PANK4: variants seen among roughly 807,000 people sequenced by gnomAD.
PANK4 encodes the protein pantothenate kinase 4 (inactive), also known as 4'-phosphopantetheine phosphatase.
PANK4 carries 40 observed loss-of-function variants against 87.9 expected under a neutral mutation model. The ratio of observed to expected loss-of-function variants is 0.46; its 90% CI spans 0.35 to 0.59. The LOEUF (loss-of-function observed/expected upper bound fraction) is 0.59, where lower values mean the gene tolerates loss of function less well. Ranked by LOEUF, PANK4 falls within the 20% of genes least tolerant of loss-of-function variation. The pLI, the probability that PANK4 is intolerant of heterozygous loss-of-function variation, is 0.00. For missense variants in PANK4, 926 were observed against 1,072.3 expected (o/e 0.86, Z 1.90); for synonymous variants, 524 against 467.4 (o/e 1.12, Z -1.56).
rs534977648 is a variant in PANK4, at chr1:2,510,325, G to C, written c.1939-168C>G. ...GGACCTCGCCTGACCTTGCCACTCT[G>C]TGGCCCCTGGGAGGGAGCTGAGCCG... On this transcript the variant is annotated intron_variant, in intron 16 of 18. Coordinates refer to ENST00000378466, the MANE Select transcript of PANK4 (RefSeq NM_018216.4). This position sits in a 1 kb window ranked among gnomAD's most constrained non-coding sequence, Gnocchi z 4.9. 1 of 632,042 alleles carries C rather than the reference G, an allele frequency of 1.6e-6. No homozygotes were observed. Among genetic ancestry groups the C allele is most frequent in the East Asian group, 2.7e-5 (1 of 36,552 alleles). The allele number at this position is 632,042 out of a possible 1,614,324, so 39.2% of individuals were successfully genotyped here. A position where few individuals can be genotyped will look rare whatever the true frequency, so the allele number is the denominator to read the frequency against.
chr1:2,512,973 G>C lies in PANK4; in HGVS notation c.1642C>G (p.Leu548Val). Residue 548 changes from leucine (L) to valine (V), a missense_variant, in exon 13 of 19, where the codon CTG becomes GTG. By Grantham distance (32) the Leu-to-Val change is conservative. Transcript: ENST00000378466. ...FPGVVRSLDALGWEERQLALV... is the reference protein window; with the variant it reads ...FPGVVRSLDAVGWEERQLALV... ...GCCAGCTGCCGTTCCTCCCAGCCCA[G>C]CGCGTCCAGGGAGCGCACGACCCCG... 6.2e-7 allele frequency: 1 copy of C among 1,612,380 alleles called. No individual in the cohort carries two copies. Among genetic ancestry groups the C allele is most frequent in the Non-Finnish European group, 8.5e-7 (1 of 1,179,576 alleles).
intron 1 of PANK4, among the ~76,000 whole-genome samples, chr1:2,522,947 G>A (rs1167789835): frequency 6.6e-6 from 1 of 152,180 alleles, no homozygotes; most frequent in Admixed American, 6.5e-5. Flanking sequence ...AGAGGGGACC[G>A]TGTGGTGTTA....
In PANK4 at chr1:2,509,624, C is replaced by T. The variant is rs1643626067; in HGVS notation, c.2108+238G>A. Among the ~76,000 whole-genome samples the T allele has an allele frequency of 6.6e-6, 1 of 152,142 alleles. No individual in the cohort carries two copies. The highest frequency in any genetic ancestry group is 1.5e-5 in the Non-Finnish European group (1 of 68,026). ...ACAGGGACATTGGCCCCTCTTGCCC[C>T]AAGTCCCCAAACCCAGCCCATGTGT... is the stretch of plus-strand genomic sequence containing the variant. On this transcript the variant is annotated intron_variant, in intron 18 of 18. Coordinates refer to ENST00000378466, the MANE Select transcript of PANK4 (RefSeq NM_018216.4). The surrounding 1 kb of genome is among the most constrained non-coding windows in gnomAD (Gnocchi z 4.9).
At position 2,514,093 on chromosome 1, in the gene PANK4, G is replaced by A; in HGVS notation, c.1488-4C>T. On this transcript the variant is annotated splice_polypyrimidine_tract_variant and splice_region_variant and intron_variant, in intron 11 of 18. Coordinates refer to ENST00000378466, the MANE Select transcript of PANK4 (RefSeq NM_018216.4). The stretch of plus-strand genomic sequence containing the variant: ...CACGGTCAGGGTCCCATAGGCGCTG[G>A]GGACAGACACGGCAGAGGGCGCTGA... The A allele has an allele frequency of 6.2e-7, 1 of 1,610,552 alleles. No homozygotes were observed. The highest frequency in any genetic ancestry group is 1.1e-5 in the South Asian group (1 of 91,040).
Position 2,519,678 on chromosome 1 carries a change from A to G in PANK4, c.853+123T>C. On this transcript the variant is annotated intron_variant, in intron 6 of 18. Coordinates refer to ENST00000378466, the MANE Select transcript of PANK4 (RefSeq NM_018216.4). The surrounding 1 kb of genome is among the most constrained non-coding windows in gnomAD (Gnocchi z 8.3). ...GGCAGGAAGAGGTTACAGGGCTGAC[A>G]CCCAAGACCCCGACTCTCCAGGGAG... 1.9e-6 allele frequency: 2 copies of G among 1,034,034 alleles called. No individual in the cohort carries two copies. The highest frequency in any genetic ancestry group is 2.7e-6 in the Non-Finnish European group (2 of 732,274). 64.1% of individuals were successfully genotyped at this position (1,034,034 alleles called of 1,614,324 possible). A position where few individuals can be genotyped will look rare whatever the true frequency, so the allele number is the denominator to read the frequency against.
At chr1:2,518,995 G>T in intron 7 of PANK4, 148 bp downstream of exon 7, 2 of 729,992 alleles carry the variant, frequency 2.7e-6, no homozygotes, top group South Asian at 1.8e-5. Context: ...AGGCTGCCCA[G>T]AATCAGTCAG....
At chr1:2,516,171 G>C (rs1305908379) in intron 9 of PANK4, among the ~76,000 whole-genome samples, 1 of 152,168 alleles carries the variant, frequency 6.6e-6, no homozygotes, top group Non-Finnish European at 1.5e-5. Flanking sequence ...GGCCGTGTCT[G>C]CACACAGAGG....
chr1:2,518,279 G>A lies in PANK4; in HGVS notation c.1118-15C>T, dbSNP rs1643820871. 1 of 1,578,510 alleles carries A rather than the reference G, an allele frequency of 6.3e-7. No homozygotes were observed. Among genetic ancestry groups the A allele is most frequent in the East Asian group, 2.2e-5 (1 of 44,726 alleles). ...CTGGTTAGGATCTGGAAAGCAAGAAGCCAGGTCACTTGTGTTAACCTTGCC... is the reference window on the plus strand; with the variant it reads ...CTGGTTAGGATCTGGAAAGCAAGAAACCAGGTCACTTGTGTTAACCTTGCC... On this transcript the variant is annotated splice_polypyrimidine_tract_variant and intron_variant, in intron 8 of 18. Transcript: ENST00000378466.
At position 2,509,750 on chromosome 1, in the gene PANK4, G is replaced by C; in HGVS notation, c.2108+112C>G. On this transcript the variant is annotated intron_variant, in intron 18 of 18. Transcript: ENST00000378466. This position sits in a 1 kb window ranked among gnomAD's most constrained non-coding sequence, Gnocchi z 4.9. ...TCAATCCGGGCCTGGGGTCAGGAGAGGCCGCAGGGGCAGTCCTGAGGTCGG... is the reference window on the plus strand; with the variant it reads ...TCAATCCGGGCCTGGGGTCAGGAGACGCCGCAGGGGCAGTCCTGAGGTCGG... 1 of 901,774 alleles carries C rather than the reference G, an allele frequency of 1.1e-6. No homozygotes were observed. Among genetic ancestry groups the C allele is most frequent in the Non-Finnish European group, 1.8e-6 (1 of 557,260 alleles). The allele number at this position is 901,774 out of a possible 1,614,324, so 55.9% of individuals were successfully genotyped here.
chr1:2,519,059 G>A lies in PANK4; in HGVS notation c.1035+84C>T. ...CCACCCTCCAGGCCTCCCTGGGGGT[G>A]CTGCGGTGTCTAACCAGCATGACTG... On this transcript the variant is annotated intron_variant, in intron 7 of 18. Coordinates refer to ENST00000378466, the MANE Select transcript of PANK4 (RefSeq NM_018216.4). The surrounding 1 kb of genome is among the most constrained non-coding windows in gnomAD (Gnocchi z 8.3). 7.7e-7 allele frequency: 1 copy of A among 1,296,534 alleles called. No individual in the cohort carries two copies. The highest frequency in any genetic ancestry group is 1.1e-6 in the Non-Finnish European group (1 of 918,826). 80.3% of individuals were successfully genotyped at this position (1,296,534 alleles called of 1,614,324 possible).
At chr1:2,511,880 G>A (rs12062638) in intron 13 of PANK4, among the ~76,000 whole-genome samples, 197 bp from the exon 14 acceptor site, 4,347 of 151,356 alleles carry the variant, frequency 0.029, 149 homozygotes, top group African/African-American at 0.081. Context: ...GCAGGACAGA[G>A]GCAGCTGCTA....
Position 2,526,570 on chromosome 1 carries a change from C to T in PANK4, c.18G>A (p.Ala6=), listed in dbSNP as rs576655896. The T allele has an allele frequency of 3.7e-6, 6 of 1,601,428 alleles. No individual in the cohort carries two copies. Among genetic ancestry groups the T allele is most frequent in the African/African-American group, 2.7e-5 (2 of 73,816 alleles). The change falls in exon 1 of 19, where the codon GCG becomes GCA. Residue 6 remains alanine (A), a synonymous_variant. Transcript: ENST00000378466. MAECG[A]SGSGSSGDSL... ...TGTCCCCGCTGCTCCCGCTGCCGCT[C>T]GCTCCACACTCCGCCATTTTGAAAG...
chr1:2,522,224 C>T (rs185952819), intron 1 of PANK4, among the ~76,000 whole-genome samples: 143 of 152,324 alleles, frequency 9.4e-4, no homozygotes, highest in South Asian at 5.8e-3. Context: ...CACCCTCGAC[C>T]GTCCCTGCTT....
Position 2,521,244 on chromosome 1 carries a change from G to A in PANK4, c.279C>T (p.Phe93=), listed in dbSNP as rs976908581. ...CGATGTAGGTATTCTCAAACTTAATGAAGTGCAGTCGAGCAGTGATCTCTT... is the reference window on the plus strand; with the variant it reads ...CGATGTAGGTATTCTCAAACTTAATAAAGTGCAGTCGAGCAGTGATCTCTT... ...VQEEITARLH[F]IKFENTYIEA... is the part of the protein sequence containing the mutation. The change falls in exon 3 of 19, where the codon TTC becomes TTT. Residue 93 remains phenylalanine, a synonymous_variant. Transcript: ENST00000378466. 6.2e-7 allele frequency: 1 copy of A among 1,613,910 alleles called. No individual in the cohort carries two copies. Among genetic ancestry groups the A allele is most frequent in the Non-Finnish European group, 8.5e-7 (1 of 1,179,944 alleles).
Position 2,511,381 on chromosome 1 carries a change from G to A in PANK4, c.1790C>T (p.Pro597Leu). 6.2e-7 allele frequency: 1 copy of A among 1,609,990 alleles called. No homozygotes were observed. The highest frequency in any genetic ancestry group is 8.5e-7 in the Non-Finnish European group (1 of 1,177,174). ...CTCGCTGTAGGAATCCACGAGCCAG[G>A]GTCTTTCTGAGACAGAGAGAGGGAC... ...EEAKRKLQER[P>L]WLVDSYSEWL... Residue 597 changes from proline (P) to leucine (L), a missense_variant, in exon 15 of 19, where the codon CCC becomes CTC. Coordinates refer to ENST00000378466, the MANE Select transcript of PANK4 (RefSeq NM_018216.4).
intron 1 of PANK4, 76 bp downstream of exon 1, chr1:2,526,388 C>T (rs1570556003): frequency 1.1e-6 from 1 of 870,596 alleles, no homozygotes; most frequent in Non-Finnish European, 1.4e-6. Context: ...TCCTTCCCGC[C>T]GCCCCCGCTC....
At chr1:2,521,525 A>AGGCGGGCGCAG (rs1281010747) in intron 2 of PANK4, 193 bp downstream of exon 2, 34 of 690,114 alleles carry the variant, frequency 4.9e-5, no homozygotes, top group Non-Finnish European at 8.0e-5. Flanking sequence ...GGGGGAGCAC[A>AGGCGGGCGCAG]GGCGGGCGCA....
rs1327286312 is a variant in PANK4, at chr1:2,509,024, C to G, written c.2145G>C (p.Glu715Asp). 6.2e-7 allele frequency: 1 copy of G among 1,603,524 alleles called. No homozygotes were observed. Among genetic ancestry groups the G allele is most frequent in the Non-Finnish European group, 8.5e-7 (1 of 1,179,520 alleles). Residue 715 changes from glutamate (E) to aspartate (D), a missense_variant, in exon 19 of 19, where the codon GAG (glutamate) becomes GAC (aspartate). By Grantham distance (45) the Glu-to-Asp change is conservative. Coordinates refer to ENST00000378466, the MANE Select transcript of PANK4 (RefSeq NM_018216.4). The surrounding 1 kb of genome is among the most constrained non-coding windows in gnomAD (Gnocchi z 4.9). ...LDKGLAALVRERGADLVVIEG... is the reference protein window; with the variant it reads ...LDKGLAALVRDRGADLVVIEG... Reference sequence around the variant, plus strand: ...CGATGACCACCAGATCCGCGCCACGCTCCCGCACCAGTGCGGCCAGCCCCT... The same window carrying G: ...CGATGACCACCAGATCCGCGCCACGGTCCCGCACCAGTGCGGCCAGCCCCT...
rs1372356569 is a variant in PANK4 at position 2,510,200 on chromosome 1, C to G, written c.1939-43G>C. 1 of 1,280,764 alleles carries G rather than the reference C, an allele frequency of 7.8e-7. No homozygotes were observed. The highest frequency in any genetic ancestry group is 1.3e-5 in the South Asian group (1 of 79,384). 79.3% of individuals were successfully genotyped at this position (1,280,764 alleles called of 1,614,324 possible). ...AGGCTCTTTAGGAACCTGTGCTGGC[C>G]CAGCATGGAGCCTGCGTGCACCCCG... On this transcript the variant is annotated intron_variant, in intron 16 of 18. Transcript: ENST00000378466. This position sits in a 1 kb window ranked among gnomAD's most constrained non-coding sequence, Gnocchi z 4.9.
Sources: gnomAD v4.1 joint callset for allele counts (sites outside exome capture counted in the v4.1 genomes callset) on GRCh38, gnomAD v4.1.1 for gene constraint, Gnocchi (gnomAD v3.1) non-coding constraint, MANE v1.5 for transcripts, NCBI Gene and HGNC (gene_info 2026-07-23, HGNC 2026-07-21) for gene names.